The following ADAMTS10 variants were observed in gnomAD, a reference collection of about 807,000 sequenced individuals.
ADAMTS10 encodes the protein A disintegrin and metalloproteinase with thrombospondin motifs 10.
In ADAMTS10, 48 loss-of-function variants were observed where a neutral mutation model predicts 135.9. That is an observed-to-expected ratio of 0.35 (90% CI 0.28 to 0.45). The LOEUF (loss-of-function observed/expected upper bound fraction) is 0.45. Ranked by LOEUF, ADAMTS10 falls within the 20% of genes least tolerant of loss-of-function variation. The pLI is 1.00. For missense variants in ADAMTS10, 1,131 were observed against 1,565.2 expected (o/e 0.72, Z 4.68); for synonymous variants, 621 against 647.5 (o/e 0.96, Z 0.62).
chr19:8,589,684 C>A, intron 16 of ADAMTS10, 99 bp from the exon 17 acceptor site: 1 of 1,571,256 alleles, frequency 6.4e-7, no homozygotes, highest in Non-Finnish European at 8.6e-7. Context: ...ACCCCAGACC[C>A]AAGAGGAAGG....
chr19:8,590,001 GGA>G lies in ADAMTS10; in HGVS notation c.1798-12_1798-11del. On this transcript the variant is annotated splice_polypyrimidine_tract_variant and intron_variant, in intron 15 of 25. Coordinates refer to ENST00000597188, the MANE Select transcript of ADAMTS10 (RefSeq NM_030957.4). ...AGCCAGGGGGACAGTCCTGGGGGCA[GGA>G]GAGGAGAGATGGAGGGAGGCCAGGC... 6.2e-7 allele frequency: 1 copy of G among 1,605,778 alleles called. No homozygotes were observed.
rs560735333 is a variant in ADAMTS10 at position 8,591,771 on chromosome 19, CA to C, written c.1797+28del. On this transcript the variant is annotated intron_variant, in intron 15 of 25. Transcript: ENST00000597188. ...AGCTGTTTTTAATGCTTCCTCCCCC[CA>C]CCCCTCAAGGGGTTTGGGGGAACTC... The C allele has an allele frequency of 1.0e-3, 1,651 of 1,612,098 alleles. 8 individuals carry two copies. In the African/African-American group the frequency reaches 0.02, roughly 20 times the overall value.
chr19:8,595,155 G>A (rs1439568725), intron 12 of ADAMTS10, among the ~76,000 whole-genome samples: 1 of 152,156 alleles, frequency 6.6e-6, no homozygotes, highest in African/African-American at 2.4e-5. Flanking sequence ...GATCCTGGCT[G>A]AACCTTGGTG....
rs891068964 is a variant in ADAMTS10 at position 8,595,821 on chromosome 19, C to T, written c.1420G>A (p.Asp474Asn). ...YPTVAPGQAYDADEQCRFQHG... is the reference protein window; with the variant it reads ...YPTVAPGQAYNADEQCRFQHG... Reference sequence around the variant, plus strand: ...TGAAAGCGGCATTGCTCATCTGCATCGTAGGCTTGGCCCGGTGCCACTGTC... The same window carrying T: ...TGAAAGCGGCATTGCTCATCTGCATTGTAGGCTTGGCCCGGTGCCACTGTC... The change falls in exon 12 of 26, where the codon GAT becomes AAT. Residue 474 changes from aspartate (D) to asparagine (N), a missense_variant. Asp to Asn is a conservative substitution (Grantham distance 23). Around this residue, in one of 3 missense-constraint regions of ADAMTS10, gnomAD observed 745 missense variants for 1,056.3 expected, o/e 0.71. Coordinates refer to ENST00000597188, the MANE Select transcript of ADAMTS10 (RefSeq NM_030957.4). 4.3e-6 allele frequency: 7 copies of T among 1,614,004 alleles called. No individual in the cohort carries two copies. The highest frequency in any genetic ancestry group is 5.9e-6 in the Non-Finnish European group (7 of 1,180,004).
rs922648355 is a variant in ADAMTS10, at chr19:8,592,757, G to A, written c.1587+6C>T. ...GGCCCAGTTGGGGGCCCTGGCCGGC[G>A]CTCACCCCCTTGTCGATGGTGTGCG... On this transcript the variant is annotated splice_donor_region_variant and intron_variant, in intron 13 of 25. Coordinates refer to ENST00000597188, the MANE Select transcript of ADAMTS10 (RefSeq NM_030957.4). 7 of 1,609,096 alleles carry A rather than the reference G, an allele frequency of 4.4e-6. No individual in the cohort carries two copies. Among genetic ancestry groups the A allele is most frequent in the Non-Finnish European group, 5.9e-6 (7 of 1,179,336 alleles).
rs1351198447 is a variant in ADAMTS10, at chr19:8,585,114, TG to T, written c.3042+17del. 15 of 1,458,170 alleles carry T rather than the reference TG, an allele frequency of 1.0e-5. No individual in the cohort carries two copies. Among genetic ancestry groups the T allele is most frequent in the Middle Eastern group, 2.1e-4 (1 of 4,786 alleles). The allele number at this position is 1,458,170 out of a possible 1,614,324, so 90.3% of individuals were successfully genotyped here. ...GCCCCTGCCCTGGCCCCCACCCCTC[TG>T]GGGCGCGCCCTCCTACCTCACCCCA... On this transcript the variant is annotated intron_variant, in intron 24 of 25. Transcript: ENST00000597188.
At chr19:8,590,495 G>A (rs374446951) in intron 15 of ADAMTS10, among the ~76,000 whole-genome samples, 3 of 151,440 alleles carry the variant, frequency 2.0e-5, no homozygotes, top group Non-Finnish European at 2.9e-5. Flanking sequence ...TTTCGCTCTC[G>A]TTGCCCTAGT....
intron 19 of ADAMTS10, 47 bp downstream of exon 19, chr19:8,586,769 C>T: frequency 6.2e-7 from 1 of 1,614,064 alleles, no homozygotes; most frequent in Non-Finnish European, 8.5e-7. Flanking sequence ...TGAAACCGCC[C>T]TCCCCACTGA....
In ADAMTS10 at chr19:8,597,062, A is replaced by ACAG; in HGVS notation, c.964_965insCTG (p.Ile321_Val322insAla). ...GGCATTGCCATGGCCGCTGTGGTTC[A>ACAG]CGATGGATTTCTGCCACTTACAGAA... On this transcript the variant is annotated inframe_insertion, in exon 8 of 26. Transcript: ENST00000597188. 1 of 1,614,194 alleles carries ACAG rather than the reference A, an allele frequency of 6.2e-7. No individual in the cohort carries two copies. Among genetic ancestry groups the ACAG allele is most frequent in the Non-Finnish European group, 8.5e-7 (1 of 1,180,040 alleles).
At chr19:8,589,396 C>T in intron 17 of ADAMTS10, 31 bp from the exon 18 acceptor site, 25 of 1,610,986 alleles carry the variant, frequency 1.6e-5, no homozygotes, top group Non-Finnish European at 2.1e-5. Flanking sequence ...TGAGGCGACC[C>T]CCTAACCCAC....
chr19:8,586,857 T>A lies in ADAMTS10; in HGVS notation c.2198A>T (p.His733Leu), dbSNP rs1555737395. 3 of 1,614,192 alleles carry A rather than the reference T, an allele frequency of 1.9e-6. No individual in the cohort carries two copies. The highest frequency in any genetic ancestry group is 2.5e-6 in the Non-Finnish European group (3 of 1,180,036). ...GAGGTTCAGATCCTGGATGAAGATG[T>A]GGACGGAGCCTTTGGGAATCCAGAC... ...DVVWIPKGSVHIFIQDLNLSL... is the reference protein window; with the variant it reads ...DVVWIPKGSVLIFIQDLNLSL... The change falls in exon 19 of 26, where the codon CAC becomes CTC. Residue 733 changes from histidine (H) to leucine (L), a missense_variant. His to Leu is a moderately conservative substitution (Grantham distance 99, BLOSUM62 -3). Transcript: ENST00000597188.
chr19:8,580,646 C>G lies in ADAMTS10; in HGVS notation c.*247G>C. ...TGAACAGCTGTCCCCTCCCCAGACC[C>G]ACCCTGGAGGGGGGGTCTCACTATG... On this transcript the variant is annotated 3_prime_UTR_variant, in exon 26 of 26. Coordinates refer to ENST00000597188, the MANE Select transcript of ADAMTS10 (RefSeq NM_030957.4). 4.0e-6 allele frequency: 2 copies of G among 499,526 alleles called. No homozygotes were observed. Among genetic ancestry groups the G allele is most frequent in the Non-Finnish European group, 7.3e-6 (2 of 273,292 alleles). 30.9% of individuals were successfully genotyped at this position (499,526 alleles called of 1,614,324 possible). A position where few individuals can be genotyped will look rare whatever the true frequency, so the allele number is the denominator to read the frequency against.
rs1182967839 is a variant in ADAMTS10, at chr19:8,605,463, C to T, written c.89-105G>A. 10 of 1,473,960 alleles carry T rather than the reference C, an allele frequency of 6.8e-6. No individual in the cohort carries two copies. Among genetic ancestry groups the T allele is most frequent in the South Asian group, 4.9e-5 (4 of 81,862 alleles). The allele number at this position is 1,473,960 out of a possible 1,614,324, so 91.3% of individuals were successfully genotyped here. A position where few individuals can be genotyped will look rare whatever the true frequency, so the allele number is the denominator to read the frequency against. ...AAGTGATGCTGGCCTCACTGACCCC[C>T]GAAATCCAGGGAGTTGGCTGCAAGG... On this transcript the variant is annotated intron_variant, in intron 3 of 25. Coordinates refer to ENST00000597188, the MANE Select transcript of ADAMTS10 (RefSeq NM_030957.4). This position sits in a 1 kb window ranked among gnomAD's most constrained non-coding sequence, Gnocchi z 7.7.
Position 8,605,037 on chromosome 19 carries a change from A to G in ADAMTS10, c.410T>C (p.Val137Ala), listed in dbSNP as rs2042704187. ...HLQGQASSSHVAISTCGGLHG... is the reference protein window; with the variant it reads ...HLQGQASSSHAAISTCGGLHG... ...CAGGCCTCCACAGGTGCTGATGGCC[A>G]CATGGGAGCTGCTGGCCTGGCCCTG... is the stretch of plus-strand genomic sequence containing the variant. Residue 137 changes from valine to alanine, a missense_variant, in exon 4 of 26, where the codon GTG becomes GCG. By Grantham distance (64) the Val-to-Ala change is moderately conservative. Around this residue, in one of 3 missense-constraint regions of ADAMTS10, gnomAD observed 306 missense variants for 344.4 expected, o/e 0.89. Transcript: ENST00000597188. The surrounding 1 kb of genome is among the most constrained non-coding windows in gnomAD (Gnocchi z 7.7). 6.2e-7 allele frequency: 1 copy of G among 1,609,520 alleles called. No homozygotes were observed. The highest frequency in any genetic ancestry group is 8.5e-7 in the Non-Finnish European group (1 of 1,178,458).
chr19:8,589,633 T>C, intron 16 of ADAMTS10, 48 bp from the exon 17 acceptor site: 1 of 1,610,556 alleles, frequency 6.2e-7, no homozygotes, highest in Admixed American at 1.7e-5. Flanking sequence ...ACCCCGGAAC[T>C]CTTTGCTTGC....
chr19:8,607,762 C>T (rs1204635059), intron 2 of ADAMTS10, among the ~76,000 whole-genome samples: 1 of 151,942 alleles, frequency 6.6e-6, no homozygotes, highest in African/African-American at 2.4e-5. Flanking sequence ...ACCCCTGTTG[C>T]ACTCTTTAGC....
chr19:8,597,342 C>G (rs1239692403), intron 6 of ADAMTS10, 25 bp from the exon 7 acceptor site: 2 of 1,608,626 alleles, frequency 1.2e-6, no homozygotes, highest in East Asian at 2.2e-5. Flanking sequence ...ACAAGAGAGA[C>G]CGAGTCTTAA....
Position 8,605,712 on chromosome 19 carries a change from G to T in ADAMTS10, c.-2C>A. 1.2e-6 allele frequency: 2 copies of T among 1,605,512 alleles called. No homozygotes were observed. Among genetic ancestry groups the T allele is most frequent in the African/African-American group, 1.3e-5 (1 of 74,968 alleles). On this transcript the variant is annotated 5_prime_UTR_variant, in exon 3 of 26. Coordinates refer to ENST00000597188, the MANE Select transcript of ADAMTS10 (RefSeq NM_030957.4). This position sits in a 1 kb window ranked among gnomAD's most constrained non-coding sequence, Gnocchi z 7.7. Reference sequence around the variant, plus strand: ...GAGGATCTGGCAGGCGGGAGCCATAGAGGCCACGTGTCCACATGTCTCTCC... The same window carrying T: ...GAGGATCTGGCAGGCGGGAGCCATATAGGCCACGTGTCCACATGTCTCTCC...
rs782599448 is a variant in ADAMTS10 at position 8,601,192 on chromosome 19, G to T, written c.593-47C>A. 7 of 1,591,820 alleles carry T rather than the reference G, an allele frequency of 4.4e-6. No individual in the cohort carries two copies. The African/African-American group carries it at 8.1e-5, about 18-fold the overall frequency. ...TTAAGCCCTGCCCTGCTGGTGGGAC[G>T]CAGAGCTGCCTGACAACTGTCTTGT... On this transcript the variant is annotated intron_variant, in intron 5 of 25. Coordinates refer to ENST00000597188, the MANE Select transcript of ADAMTS10 (RefSeq NM_030957.4). This position sits in a 1 kb window ranked among gnomAD's most constrained non-coding sequence, Gnocchi z 4.6.
Sources: allele counts gnomAD v4.1 joint callset (sites outside exome capture counted in the v4.1 genomes callset), GRCh38; gene constraint gnomAD v4.1.1; regional missense constraint gnomAD v4.1.1; non-coding constraint Gnocchi (gnomAD v3.1); transcripts MANE v1.5; gene names NCBI Gene and HGNC (gene_info 2026-07-23, HGNC 2026-07-21).